The following SLC20A2 variants were observed in gnomAD, a reference collection of about 807,000 sequenced individuals.
SLC20A2 encodes sodium-dependent phosphate transporter 2.
A neutral mutation model predicts 61.0 loss-of-function variants in SLC20A2; 30 were observed. The observed-to-expected ratio is 0.49, with a 90% CI of 0.37 to 0.67. The LOEUF (loss-of-function observed/expected upper bound fraction) is 0.67, where lower values mean the gene tolerates loss of function less well. Ranked by LOEUF, SLC20A2 falls within the 30% of genes least tolerant of loss-of-function variation. The pLI is 0.00. For missense variants in SLC20A2, 626 were observed against 866.4 expected (o/e 0.72, Z 3.48); for synonymous variants, 351 against 353.3 (o/e 0.99, Z 0.07).
intron 1 of SLC20A2, among the ~76,000 whole-genome samples, chr8:42,484,336 T>G (rs1330408156): frequency 1.3e-5 from 2 of 152,214 alleles, no homozygotes; most frequent in Non-Finnish European, 2.9e-5. Flanking sequence ...TTCATTTGAT[T>G]GGTAAGTCAG....
At chr8:42,492,278 C>T (rs753476010) in intron 1 of SLC20A2, among the ~76,000 whole-genome samples, 11 of 152,144 alleles carry the variant, frequency 7.2e-5, no homozygotes, top group Non-Finnish European at 1.3e-4. Context: ...ATTGCTTGAA[C>T]CCAGGAGGCA....
intron 1 of SLC20A2, among the ~76,000 whole-genome samples, chr8:42,533,238 G>A (rs1312059524): frequency 6.6e-6 from 1 of 152,208 alleles, no homozygotes; most frequent in East Asian, 1.9e-4. Flanking sequence ...GAGGTTAACT[G>A]ACTTAGCCAT....
At chr8:42,518,164 TCTC>T (rs1371760316) in intron 1 of SLC20A2, among the ~76,000 whole-genome samples, 1 of 152,018 alleles carries the variant, frequency 6.6e-6, no homozygotes, top group Non-Finnish European at 1.5e-5. Flanking sequence ...ATGGTCTCGA[TCTC>T]CTGACCTCAT....
intron 8 of SLC20A2, among the ~76,000 whole-genome samples, chr8:42,436,491 G>A (rs768047245): frequency 4.6e-5 from 7 of 151,974 alleles, no homozygotes; most frequent in Admixed American, 2.0e-4. Context: ...CCTGTCAAAC[G>A]TGCCCTGTGT....
In SLC20A2 at chr8:42,437,367, C is replaced by T. The variant is rs200010919; in HGVS notation, c.1145G>A (p.Arg382Gln). The change falls in exon 8 of 11, where the codon CGA becomes CAA. Residue 382 changes from arginine to glutamine, a missense_variant. Arg to Gln is a conservative substitution (Grantham distance 43). Coordinates refer to ENST00000520262, the MANE Select transcript of SLC20A2 (RefSeq NM_001257180.2). This position sits in a 1 kb window ranked among gnomAD's most constrained non-coding sequence, Gnocchi z 6.4. The part of the protein sequence containing the change: ...AQESNYRLLR[R>Q]NNSYTCYTAA... ...GGTGTAGCAGGTGTAACTGTTGTTT[C>T]GGCGCAGCAGCCGGTAGTTGCTTTC... 2.2e-5 allele frequency: 36 copies of T among 1,613,994 alleles called. No homozygotes were observed. The highest frequency in any genetic ancestry group is 2.7e-5 in the African/African-American group (2 of 74,936).
At chr8:42,452,812 C>G (rs531645807) in intron 5 of SLC20A2, among the ~76,000 whole-genome samples, 44 of 152,104 alleles carry the variant, frequency 2.9e-4, no homozygotes, top group African/African-American at 1.0e-3. Flanking sequence ...AGGAACCAGG[C>G]CTGGTTAAGT....
intron 5 of SLC20A2, among the ~76,000 whole-genome samples, chr8:42,459,284 T>G (rs1586099675): frequency 2.8e-5 from 4 of 140,510 alleles, no homozygotes; most frequent in South Asian, 2.3e-4. Context: ...ACAAAATCCA[T>G]GAGAATGACA....
intron 5 of SLC20A2, among the ~76,000 whole-genome samples, chr8:42,449,168 A>G (rs527794135): frequency 6.6e-6 from 1 of 152,304 alleles, no homozygotes; most frequent in East Asian, 1.9e-4. Flanking sequence ...GTCAGGCAGT[A>G]AGACATGGCC....
At chr8:42,502,677 G>A (rs1287813485), upstream of SLC20A2, 1 of 152,304 alleles carries the variant, frequency 6.6e-6, no homozygotes, top group African/African-American at 2.4e-5. Context: ...GCAAGAGGGT[G>A]GCTGGTATGC....
upstream of SLC20A2, among the ~76,000 whole-genome samples, chr8:42,504,520 GA>G (rs1363637936): frequency 6.6e-6 from 1 of 152,030 alleles, no homozygotes. Flanking sequence ...TTCATTGCTA[GA>G]CATGAAATTT....
At chr8:42,533,654 C>CTTTTTTTCTTTTCTTTTTTTTT (rs1253260874) in intron 1 of SLC20A2, among the ~76,000 whole-genome samples, 2 of 55,298 alleles carry the variant, frequency 3.6e-5, no homozygotes, top group Admixed American at 2.1e-4. Flanking sequence ...ATCAACTGTT[C>CTTTTTTTCTTTTCTTTTTTTTT]TTTTTTTTTT....
intron 5 of SLC20A2, among the ~76,000 whole-genome samples, chr8:42,451,650 G>A (rs1260807654): frequency 7.5e-6 from 1 of 133,994 alleles, no homozygotes; most frequent in Non-Finnish European, 1.6e-5. Flanking sequence ...AGAGGAAGAG[G>A]AGGAAGAGAT....
At position 42,463,101 on chromosome 8, in the gene SLC20A2, A is replaced by C; in HGVS notation, c.431-11T>G. The C allele has an allele frequency of 7.8e-7, 1 of 1,275,442 alleles. No homozygotes were observed. Among genetic ancestry groups the C allele is most frequent in the South Asian group, 1.5e-5 (1 of 66,168 alleles). 79.0% of individuals were successfully genotyped at this position (1,275,442 alleles called of 1,614,324 possible). On this transcript the variant is annotated splice_polypyrimidine_tract_variant and intron_variant, in intron 3 of 10. Coordinates refer to ENST00000520262, the MANE Select transcript of SLC20A2 (RefSeq NM_001257180.2). ...TAAACCAAGAAGCAACTGAATAATTAAAAAAAAAATCTAATGAATGTTAAA... is the reference window on the plus strand; with the variant it reads ...TAAACCAAGAAGCAACTGAATAATTCAAAAAAAAATCTAATGAATGTTAAA...
chr8:42,446,719 T>C (rs1467770726), intron 5 of SLC20A2, among the ~76,000 whole-genome samples: 1 of 152,156 alleles, frequency 6.6e-6, no homozygotes, highest in African/African-American at 2.4e-5. Flanking sequence ...TCTGGGAAGA[T>C]ACAGTGGTTT....
intron 2 of SLC20A2, among the ~76,000 whole-genome samples, chr8:42,468,638 C>T (rs1355788584): frequency 6.6e-6 from 1 of 152,050 alleles, no homozygotes; most frequent in Non-Finnish European, 1.5e-5. Flanking sequence ...AGAGTGCAAG[C>T]CACGACCTAG....
At chr8:42,529,789 G>A (rs3763559) in intron 1 of SLC20A2, among the ~76,000 whole-genome samples, 4,494 of 152,132 alleles carry the variant, frequency 0.03, 166 homozygotes, top group African/African-American at 0.089. Flanking sequence ...ACTAAGCTTT[G>A]GATATTAATG....
intron 1 of SLC20A2, among the ~76,000 whole-genome samples, chr8:42,528,729 C>T (rs939358723): frequency 5.3e-5 from 8 of 149,692 alleles, no homozygotes; most frequent in Admixed American, 4.7e-4. Flanking sequence ...TGCAGTGGTG[C>T]GATCTTGGCT....
Position 42,478,391 on chromosome 8 carries a change from T to C in SLC20A2, c.-264-5737A>G, listed in dbSNP as rs529779331. On this transcript the variant is annotated intron_variant, in intron 1 of 10. Coordinates refer to ENST00000520262, the MANE Select transcript of SLC20A2 (RefSeq NM_001257180.2). ...CTCCTCCGGCTAATTTTTGTATTTT[T>C]AGTAGAGACAGGGTTTCACCATGTT... is the stretch of plus-strand genomic sequence containing the variant. 6.6e-5 allele frequency among the ~76,000 whole-genome samples: 10 copies of C among 152,078 alleles called. No homozygotes were observed. The East Asian group carries it at 1.9e-3, about 29-fold the overall frequency.
chr8:42,480,160 G>A (rs1808449981), intron 1 of SLC20A2, among the ~76,000 whole-genome samples: 2 of 152,180 alleles, frequency 1.3e-5, no homozygotes, highest in South Asian at 4.1e-4. Flanking sequence ...CATGACACTG[G>A]AACACAGTGA....
Sources: gnomAD v4.1 joint callset for allele counts (sites outside exome capture counted in the v4.1 genomes callset) on GRCh38, gnomAD v4.1.1 for gene constraint, Gnocchi (gnomAD v3.1) non-coding constraint, MANE v1.5 for transcripts, NCBI Gene and HGNC (gene_info 2026-07-23, HGNC 2026-07-21) for gene names.